SCAF8: variants seen among roughly 807,000 people sequenced by gnomAD.
SCAF8 encodes the protein SR-related and CTD-associated factor 8.
SCAF8 carries 23 observed loss-of-function variants against 140.5 expected under a neutral mutation model. The observed-to-expected ratio is 0.16, with a 90% CI of 0.12 to 0.23. SCAF8 has a LOEUF of 0.23. SCAF8 is among the 10% of genes least tolerant of loss of function. SCAF8 has a pLI of 1.00. For missense variants in SCAF8, 1,397 were observed against 1,555.7 expected (o/e 0.90, Z 1.72); for synonymous variants, 575 against 528.9 (o/e 1.09, Z -1.20).
At chr6:154,788,367 A>G (rs574230919) in intron 4 of SCAF8, among the ~76,000 whole-genome samples, 1 of 152,204 alleles carries the variant, frequency 6.6e-6, no homozygotes, top group Non-Finnish European at 1.5e-5. Context: ...TCACACAATG[A>G]TGAAATCTCC....
chr6:154,741,834 A>C, intron 1 of SCAF8: 1 of 633,730 alleles, frequency 1.6e-6, no homozygotes, highest in African/African-American at 1.8e-5. Flanking sequence ...TCTAACTCAT[A>C]ATGGTGTGAA....
At chr6:154,806,518 C>G (rs1777919329) in intron 9 of SCAF8, among the ~76,000 whole-genome samples, 1 of 152,244 alleles carries the variant, frequency 6.6e-6, no homozygotes, top group East Asian at 1.9e-4. Context: ...AACCTCTTCT[C>G]TAATGGAGCA....
intron 14 of SCAF8, among the ~76,000 whole-genome samples, 159 bp downstream of exon 14, chr6:154,818,751 C>A (rs1181510120): frequency 6.6e-6 from 1 of 152,084 alleles, no homozygotes; most frequent in Admixed American, 6.5e-5. Context: ...ATGGACAAAC[C>A]TCATCAGAAA....
At chr6:154,805,613 T>A (rs1777891566) in intron 9 of SCAF8, 127 bp downstream of exon 9, 1 of 438,192 alleles carries the variant, frequency 2.3e-6, no homozygotes. Flanking sequence ...CTATTTAGCT[T>A]TTACCAGCTA....
At chr6:154,826,600 A>C (rs942801306) in intron 17 of SCAF8, among the ~76,000 whole-genome samples, 1 of 152,194 alleles carries the variant, frequency 6.6e-6, no homozygotes, top group African/African-American at 2.4e-5. Context: ...ATGATTAAGA[A>C]GCCGAGTGCC....
chr6:154,786,865 T>C (rs911374870), intron 3 of SCAF8, among the ~76,000 whole-genome samples: 1 of 152,252 alleles, frequency 6.6e-6, no homozygotes, highest in African/African-American at 2.4e-5. Context: ...ATTAAAATTA[T>C]TTAAAACATT....
At chr6:154,823,832 T>C (rs1327941230) in intron 16 of SCAF8, among the ~76,000 whole-genome samples, 2 of 152,228 alleles carry the variant, frequency 1.3e-5, no homozygotes, top group Admixed American at 6.5e-5. Context: ...AAGGTACTTA[T>C]GCTAGGATTA....
rs1253353631 is a variant in SCAF8 at position 154,832,308 on chromosome 6, C to T, written c.2729C>T (p.Pro910Leu). 4 of 1,614,018 alleles carry T rather than the reference C, an allele frequency of 2.5e-6. No individual in the cohort carries two copies. The highest frequency in any genetic ancestry group is 1.7e-5 in the Admixed American group (1 of 60,002). Residue 910 changes from proline (P) to leucine (L), a missense_variant, in exon 20 of 20, where the codon CCT becomes CTT. This residue lies in a region of SCAF8 where 930 missense variants were observed against 874.6 expected (regional missense o/e 1.06). Coordinates refer to ENST00000367178, the MANE Select transcript of SCAF8 (RefSeq NM_014892.5). ...QPPAGPQNLP[P>L]LSIPNQRMPT... The stretch of plus-strand genomic sequence containing the variant: ...CCAGCTGGACCTCAAAACTTACCCC[C>T]TTTAAGTATCCCTAATCAAAGGATG...
intron 7 of SCAF8, 47 bp downstream of exon 7, chr6:154,802,194 T>A: frequency 7.9e-6 from 9 of 1,133,626 alleles, no homozygotes; most frequent in Non-Finnish European, 1.1e-5. Context: ...TATTAAATAT[T>A]ATATACTATC....
intron 1 of SCAF8, among the ~76,000 whole-genome samples, chr6:154,753,680 T>C (rs192432899): frequency 7.1e-4 from 108 of 152,262 alleles, no homozygotes; most frequent in African/African-American, 2.6e-3. Flanking sequence ...ATTTATAATA[T>C]TTATACATAT....
chr6:154,739,798 G>A (rs1049299866), intron 1 of SCAF8, among the ~76,000 whole-genome samples: 1 of 151,968 alleles, frequency 6.6e-6, no homozygotes, highest in African/African-American at 2.4e-5. Flanking sequence ...TTGTATCCAG[G>A]GTGGGTATTT....
chr6:154,770,196 C>T (rs1776694691), intron 1 of SCAF8, among the ~76,000 whole-genome samples: 1 of 152,034 alleles, frequency 6.6e-6, no homozygotes, highest in Non-Finnish European at 1.5e-5. Context: ...CACCTGTAAT[C>T]TCAGCAGGGA....
chr6:154,733,987 G>C, intron 1 of SCAF8, 57 bp downstream of exon 1: 2 of 1,467,038 alleles, frequency 1.4e-6, no homozygotes, highest in Non-Finnish European at 1.8e-6. Context: ...ACCCCTGGTC[G>C]AGGCCGGGGC....
intron 1 of SCAF8, among the ~76,000 whole-genome samples, chr6:154,757,943 C>G (rs1360727365): frequency 6.9e-6 from 1 of 145,066 alleles, no homozygotes; most frequent in Admixed American, 7.0e-5. Flanking sequence ...TGGAGTCTCA[C>G]TCTGTCATCC....
intron 9 of SCAF8, among the ~76,000 whole-genome samples, chr6:154,806,722 T>A (rs1777925864): frequency 6.6e-6 from 1 of 152,182 alleles, no homozygotes; most frequent in Non-Finnish European, 1.5e-5. Flanking sequence ...TTTGCTGCAT[T>A]GGAACTCATG....
chr6:154,787,773 T>C, intron 3 of SCAF8, 88 bp from the exon 4 acceptor site: 1 of 1,078,156 alleles, frequency 9.3e-7, no homozygotes, highest in Non-Finnish European at 1.4e-6. Context: ...AATGTCTTTG[T>C]ATTTACACAG....
intron 1 of SCAF8, among the ~76,000 whole-genome samples, chr6:154,760,852 A>G (rs935137843): frequency 1.3e-5 from 2 of 152,118 alleles, no homozygotes; most frequent in Non-Finnish European, 2.9e-5. Context: ...GGCATGGTAA[A>G]GGCTCACTGC....
chr6:154,806,083 T>A (rs1475512969), intron 9 of SCAF8, among the ~76,000 whole-genome samples: 1 of 152,176 alleles, frequency 6.6e-6, no homozygotes, highest in African/African-American at 2.4e-5. Context: ...ACAGCTAGTG[T>A]TATATATTAT....
intron 3 of SCAF8, among the ~76,000 whole-genome samples, chr6:154,782,342 G>A (rs1777108966): frequency 6.6e-6 from 1 of 152,146 alleles, no homozygotes; most frequent in Non-Finnish European, 1.5e-5. Flanking sequence ...CTTGAGTTCA[G>A]GAGGAAGTTG....
Sources: gnomAD v4.1 joint callset for allele counts (sites outside exome capture counted in the v4.1 genomes callset) on GRCh38, gnomAD v4.1.1 for gene constraint, gnomAD v4.1.1 regional missense constraint, MANE v1.5 for transcripts, NCBI Gene and HGNC (gene_info 2026-07-23, HGNC 2026-07-21) for gene names.